The following EYA2 variants were observed in gnomAD, a reference collection of about 807,000 sequenced individuals.
The protein encoded by EYA2 is EYA transcriptional coactivator and phosphatase 2.
EYA2 carries 31 observed loss-of-function variants against 69.2 expected under a neutral mutation model. The observed-to-expected ratio is 0.45, with a 90% CI of 0.34 to 0.60. The LOEUF (loss-of-function observed/expected upper bound fraction) is 0.60. Among genes scored for constraint, EYA2 ranks in the 20% least tolerant of loss-of-function variants. EYA2 has a pLI of 0.02. For synonymous variants in EYA2, 257 were observed against 279.4 expected (o/e 0.92, Z 0.80); for missense variants, 622 against 701.2 (o/e 0.89, Z 1.28).
At chr20:46,944,962 G>A (rs1978365532) in intron 1 of EYA2, among the ~76,000 whole-genome samples, 1 of 152,074 alleles carries the variant, frequency 6.6e-6, no homozygotes, top group South Asian at 2.1e-4. Context: ...AAATTAGCCA[G>A]GCGCGGTGGT....
At chr20:47,097,291 G>T in intron 9 of EYA2, 123 bp downstream of exon 9, 1 of 708,512 alleles carries the variant, frequency 1.4e-6, no homozygotes, top group Non-Finnish European at 2.3e-6. Flanking sequence ...CTGCCCTTTG[G>T]GGTCAGCCCA....
chr20:46,978,749 G>A, intron 1 of EYA2: 1 of 528,094 alleles, frequency 1.9e-6, no homozygotes, highest in South Asian at 1.4e-5. Flanking sequence ...GGTCTTCCTG[G>A]GCAGAGAGGA....
At chr20:47,174,246 G>C (rs970452266) in intron 12 of EYA2, among the ~76,000 whole-genome samples, 1 of 152,120 alleles carries the variant, frequency 6.6e-6, no homozygotes, top group Admixed American at 6.6e-5. Flanking sequence ...ATAGAGTCCC[G>C]GTTCTCAAAC....
chr20:46,908,529 G>A (rs572541033), intron 1 of EYA2, among the ~76,000 whole-genome samples: 44 of 152,208 alleles, frequency 2.9e-4, no homozygotes, highest in African/African-American at 9.2e-4. Flanking sequence ...CAAAATTATC[G>A]TAATTTAAAA....
chr20:46,966,666 C>T (rs187472467), intron 1 of EYA2, among the ~76,000 whole-genome samples: 3 of 151,988 alleles, frequency 2.0e-5, no homozygotes, highest in African/African-American at 4.8e-5. Flanking sequence ...AAAAATTAGC[C>T]GGGCATGGTG....
Position 47,113,428 on chromosome 20 carries a change from G to C in EYA2, c.888+16260G>C, listed in dbSNP as rs2032806601. 2.0e-5 allele frequency among the ~76,000 whole-genome samples: 3 copies of C among 152,186 alleles called. No homozygotes were observed. The South Asian group carries it at 6.2e-4, about 31-fold the overall frequency. On this transcript the variant is annotated intron_variant, in intron 9 of 15. Coordinates refer to ENST00000327619, the MANE Select transcript of EYA2 (RefSeq NM_005244.5). Reference sequence around the variant, plus strand: ...TGTGCCCACCTCTCAGCTAAGCAGGGTTAGACACCTTGATGGACAGCCCAC... The same window carrying C: ...TGTGCCCACCTCTCAGCTAAGCAGGCTTAGACACCTTGATGGACAGCCCAC...
intron 9 of EYA2, among the ~76,000 whole-genome samples, chr20:47,137,800 T>C (rs1399242072): frequency 6.6e-6 from 1 of 152,180 alleles, no homozygotes; most frequent in Non-Finnish European, 1.5e-5. Context: ...TTGGATAAAC[T>C]ATGCAGCCAT....
At chr20:47,024,874 G>A (rs988170022) in intron 5 of EYA2, among the ~76,000 whole-genome samples, 1 of 152,184 alleles carries the variant, frequency 6.6e-6, no homozygotes, top group African/African-American at 2.4e-5. Flanking sequence ...CACTGCATTG[G>A]TTCATTTGTA....
intron 11 of EYA2, among the ~76,000 whole-genome samples, chr20:47,170,099 G>T (rs1384796401): frequency 2.6e-5 from 4 of 151,292 alleles, no homozygotes; most frequent in Non-Finnish European, 5.9e-5. Context: ...GTAGAGGCGG[G>T]GTTTCACCAT....
At chr20:47,138,119 C>T (rs1285109553) in intron 9 of EYA2, among the ~76,000 whole-genome samples, 1 of 151,092 alleles carries the variant, frequency 6.6e-6, no homozygotes, top group African/African-American at 2.4e-5. Flanking sequence ...TGCACATGTA[C>T]CCTAAAACTT....
intron 9 of EYA2, among the ~76,000 whole-genome samples, chr20:47,116,626 C>T (rs1435196467): frequency 6.6e-6 from 1 of 152,228 alleles, no homozygotes; most frequent in Non-Finnish European, 1.5e-5. Flanking sequence ...GTGCGTTGGG[C>T]AGTGTCCCAG....
At chr20:46,986,387 C>CTATATATAATATATA (rs1981193894) in intron 1 of EYA2, among the ~76,000 whole-genome samples, 3 of 36,400 alleles carry the variant, frequency 8.2e-5, no homozygotes, top group South Asian at 9.2e-4. Flanking sequence ...TATTATATAT[C>CTATATATAATATATA]GATATATAAT....
At chr20:47,037,665 C>G (rs1015250157) in intron 5 of EYA2, among the ~76,000 whole-genome samples, 4 of 152,164 alleles carry the variant, frequency 2.6e-5, no homozygotes, top group African/African-American at 9.7e-5. Flanking sequence ...CTTGTAGACC[C>G]TTCCTCAAGC....
chr20:46,981,075 A>G (rs961118900), intron 1 of EYA2, among the ~76,000 whole-genome samples: 1 of 152,184 alleles, frequency 6.6e-6, no homozygotes, highest in African/African-American at 2.4e-5. Flanking sequence ...AAGTTCACCA[A>G]ACAGGAATGA....
chr20:46,897,630 A>G (rs1250976765), intron 1 of EYA2, among the ~76,000 whole-genome samples: 1 of 152,170 alleles, frequency 6.6e-6, no homozygotes, highest in East Asian at 1.9e-4. Context: ...CTCCTTGTAT[A>G]ATAAAATCGC....
chr20:46,896,794 A>G (rs1410761347), intron 1 of EYA2, among the ~76,000 whole-genome samples: 1 of 152,302 alleles, frequency 6.6e-6, no homozygotes, highest in African/African-American at 2.4e-5. Flanking sequence ...AGCAGTTTAT[A>G]TGTCCCCATT....
rs1555809755 is a variant in EYA2, at chr20:46,987,916, GTCTCTCTCTCTCTCTCTC to G, written c.-10-2053_-10-2036del. On this transcript the variant is annotated intron_variant, in intron 1 of 15. Transcript: ENST00000327619. ...TACTCCAGCCTGGAAGACAGAGTAAGTCTCTCTCTCTCTCTCTCTCTCTCTCTCTCTCTCTCTCTCTCT... is the reference window on the plus strand; with the variant it reads ...TACTCCAGCCTGGAAGACAGAGTAAGTCTCTCTCTCTCTCTCTCTCTCTCT... Among the ~76,000 whole-genome samples, 21 of 20,372 alleles carry G rather than the reference GTCTCTCTCTCTCTCTCTC, an allele frequency of 1.0e-3. 2 individuals are homozygous for G. Among genetic ancestry groups the G allele is most frequent in the East Asian group, 3.4e-3 (2 of 596 alleles). 13.4% of individuals were successfully genotyped at this position (20,372 alleles called of 152,430 possible).
At chr20:46,943,877 A>G (rs2146265796) in intron 1 of EYA2, among the ~76,000 whole-genome samples, 1 of 152,158 alleles carries the variant, frequency 6.6e-6, no homozygotes, top group South Asian at 2.1e-4. Flanking sequence ...CCCTTTGCAC[A>G]CTTGTATCTT....
chr20:47,109,751 T>C (rs2868857), intron 9 of EYA2, among the ~76,000 whole-genome samples: 100,137 of 152,008 alleles, frequency 0.66, 33,241 homozygotes, highest in African/African-American at 0.68. Flanking sequence ...CAATAGTTTT[T>C]AACCAGAGGA....
Sources: allele counts gnomAD v4.1 joint callset (sites outside exome capture counted in the v4.1 genomes callset), GRCh38; gene constraint gnomAD v4.1.1; transcripts MANE v1.5; gene names NCBI Gene and HGNC (gene_info 2026-07-23, HGNC 2026-07-21).